The following OSBPL7 variants were observed in gnomAD, a reference collection of about 807,000 sequenced individuals.
OSBPL7 encodes oxysterol-binding protein-related protein 7.
A neutral mutation model predicts 115.8 loss-of-function variants in OSBPL7; 66 were observed. The ratio of observed to expected loss-of-function variants is 0.57; its 90% CI spans 0.47 to 0.70. OSBPL7 has a LOEUF of 0.70. OSBPL7 is among the 30% of genes least tolerant of loss of function. The probability of loss-of-function intolerance (pLI) is 0.00; values close to 1 mark genes in which losing one functional copy is unlikely to be tolerated. For synonymous variants in OSBPL7, 441 were observed against 439.2 expected (o/e 1.00, Z -0.05); for missense variants, 902 against 1,125.5 (o/e 0.80, Z 2.84).
At position 47,819,723 on chromosome 17, in the gene OSBPL7, G is replaced by T. The variant is rs773987715; in HGVS notation, c.255+6C>A. ...CCCACAACCCCAAGCCACTGCCCGG[G>T]CTCACGTCTTGCCGGGTTGTTGCAT... On this transcript the variant is annotated splice_donor_region_variant and intron_variant, in intron 4 of 22. Transcript: ENST00000007414. 9.3e-6 allele frequency: 15 copies of T among 1,613,944 alleles called. No individual in the cohort carries two copies. Among genetic ancestry groups the T allele is most frequent in the East Asian group, 2.2e-5 (1 of 44,878 alleles).
Position 47,813,665 on chromosome 17 carries a change from CAG to C in OSBPL7, c.1519_1520del (p.Leu507AlafsTer60), listed in dbSNP as rs2033117546. 2.5e-6 allele frequency: 4 copies of C among 1,613,248 alleles called. No homozygotes were observed. The highest frequency in any genetic ancestry group is 1.7e-5 in the Admixed American group (1 of 60,010). The stretch of plus-strand genomic sequence containing the variant: ...ACTCCAGCTCCTCGCAGAGCCGCTG[CAG>C]AGTGTTGAGCGGCTCGTTGAGCTGC... Reference protein sequence around the residue: ...PVQLNEPLNTLQRLCEELEYS... With the variant: ...PVQLNEPLNTXQRLCEELEYS... On this transcript the variant is annotated frameshift_variant, in exon 15 of 23. Coordinates refer to ENST00000007414, the MANE Select transcript of OSBPL7 (RefSeq NM_145798.3). LOFTEE classifies it high-confidence loss of function.
chr17:47,819,515 T>C (rs186606485), intron 4 of OSBPL7: 1 of 627,226 alleles, frequency 1.6e-6, no homozygotes, highest in Non-Finnish European at 2.8e-6. Context: ...TGACCTCCCT[T>C]ACCATGACAG....
intron 3 of OSBPL7, 27 bp downstream of exon 3, chr17:47,819,944 G>A (rs1193784820): frequency 6.3e-7 from 1 of 1,579,834 alleles, no homozygotes; most frequent in Non-Finnish European, 8.6e-7. Context: ...CCCATGTCTG[G>A]ACCCTCCCTT....
chr17:47,816,007 G>T lies in OSBPL7; in HGVS notation c.1119+100C>A. The T allele has an allele frequency of 9.9e-7, 1 of 1,012,088 alleles. No homozygotes were observed. The highest frequency in any genetic ancestry group is 2.9e-5 in the Admixed American group (1 of 35,058). 62.7% of individuals were successfully genotyped at this position (1,012,088 alleles called of 1,614,324 possible). ...GAGCCAGGATTTTTGGGCTGTCTTT[G>T]GGACTAAAAACCAACTTTGCCCACT... On this transcript the variant is annotated intron_variant, in intron 12 of 22. Coordinates refer to ENST00000007414, the MANE Select transcript of OSBPL7 (RefSeq NM_145798.3). The surrounding 1 kb of genome is among the most constrained non-coding windows in gnomAD (Gnocchi z 5.8).
At position 47,808,318 on chromosome 17, in the gene OSBPL7, C is replaced by G. The variant is rs781750332; in HGVS notation, c.2502G>C (p.Gly834=). 1.2e-6 allele frequency: 2 copies of G among 1,613,820 alleles called. No individual in the cohort carries two copies. The highest frequency in any genetic ancestry group is 2.2e-5 in the South Asian group (2 of 91,072). The change falls in exon 23 of 23, where the codon GGG becomes GGC. Residue 834 remains glycine, a synonymous_variant. Transcript: ENST00000007414. The surrounding 1 kb of genome is among the most constrained non-coding windows in gnomAD (Gnocchi z 6.1). ...ACCAGAGCACGGCCCCATCCATGTT[C>G]CCATAGCCTGGCTCGGCCCGCAGCC... is the stretch of plus-strand genomic sequence containing the variant. ...YWRLRAEPGY[G]NMDGAVLW
intron 3 of OSBPL7, 84 bp from the exon 4 acceptor site, chr17:47,819,866 T>C: frequency 6.2e-7 from 1 of 1,609,926 alleles, no homozygotes. Context: ...AATTAGCTTT[T>C]CTTTTCCTTC....
At chr17:47,817,805 G>A (rs2033271633) in intron 7 of OSBPL7, among the ~76,000 whole-genome samples, 1 of 152,160 alleles carries the variant, frequency 6.6e-6, no homozygotes, top group South Asian at 2.1e-4. Flanking sequence ...CTGGTTTCCT[G>A]GGAGGGTCTG....
intron 16 of OSBPL7, among the ~76,000 whole-genome samples, chr17:47,812,197 C>G (rs183866371): frequency 6.6e-6 from 1 of 152,308 alleles, no homozygotes; most frequent in African/African-American, 2.4e-5. Context: ...GTAATCCAGT[C>G]TCTGTCCCCA....
In OSBPL7 at chr17:47,820,185, C is replaced by T. The variant is rs773534508; in HGVS notation, c.75+19G>A. The T allele has an allele frequency of 1.5e-5, 25 of 1,613,916 alleles. No individual in the cohort carries two copies. Among genetic ancestry groups the T allele is most frequent in the African/African-American group, 2.7e-5 (2 of 75,012 alleles). On this transcript the variant is annotated intron_variant, in intron 2 of 22. Coordinates refer to ENST00000007414, the MANE Select transcript of OSBPL7 (RefSeq NM_145798.3). ...GGTTCCAGCTTGGCCCACCCACCAC[C>T]GCTTTCCCACTCTCTGACCTGCTGA...
Position 47,815,202 on chromosome 17 carries a change from T to C in OSBPL7, c.1257+13A>G, listed in dbSNP as rs1398436359. ...CCTACCCCGCCTCACTGCCAGCTTC[T>C]CTCCTCCCTCACCTCATTCTCAGAA... On this transcript the variant is annotated intron_variant, in intron 13 of 22. Coordinates refer to ENST00000007414, the MANE Select transcript of OSBPL7 (RefSeq NM_145798.3). 1.9e-6 allele frequency: 3 copies of C among 1,605,250 alleles called. No homozygotes were observed. Among genetic ancestry groups the C allele is most frequent in the Non-Finnish European group, 2.6e-6 (3 of 1,173,528 alleles).
rs1459899182 is a variant in OSBPL7 at position 47,809,323 on chromosome 17, GGCA to G, written c.2025+8_2025+10del. ...GGGGATGGATGGGCAGGGTCAGGGT[GGCA>G]CACACACCTTGCAGAAGGTGATCTT... On this transcript the variant is annotated splice_region_variant and intron_variant, in intron 19 of 22. Transcript: ENST00000007414. 1 of 1,613,708 alleles carries G rather than the reference GGCA, an allele frequency of 6.2e-7. No homozygotes were observed. The highest frequency in any genetic ancestry group is 2.2e-5 in the East Asian group (1 of 44,864).
At chr17:47,810,933 A>G in intron 16 of OSBPL7, 98 bp from the exon 17 acceptor site, 2 of 1,217,914 alleles carry the variant, frequency 1.6e-6, no homozygotes, top group Middle Eastern at 1.9e-4. Context: ...AAGTACCACA[A>G]GACCAGTTGG....
rs747068469 is a variant in OSBPL7, at chr17:47,808,429, G to A, written c.2421-30C>T. ...TGGGAGAAGGCGGTGGCAGTGAGGG[G>A]TGAACATCTAGAAGGCAGGCTAGGG... is the stretch of plus-strand genomic sequence containing the variant. On this transcript the variant is annotated intron_variant, in intron 22 of 22. Coordinates refer to ENST00000007414, the MANE Select transcript of OSBPL7 (RefSeq NM_145798.3). The surrounding 1 kb of genome is among the most constrained non-coding windows in gnomAD (Gnocchi z 6.1). The A allele has an allele frequency of 6.2e-6, 10 of 1,613,708 alleles. No individual in the cohort carries two copies. In the East Asian group the frequency reaches 1.8e-4, roughly 29 times the overall value.
In OSBPL7 at chr17:47,813,340, G is replaced by C. The variant is rs1306468568; in HGVS notation, c.1663C>G (p.Pro555Ala). ...GTCTCCCCCAGGACAGGGTTGAAGG[G>C]CTTGCAGCCGGCTCGGTGGTATGTG... The part of the protein sequence containing the change: ...SSTYHRAGCK[P>A]FNPVLGETYE... Residue 555 changes from proline (P) to alanine (A), a missense_variant, in exon 16 of 23, where the codon CCC becomes GCC. Around this residue, in one of 3 missense-constraint regions of OSBPL7, gnomAD observed 667 missense variants for 788.7 expected, o/e 0.85. Transcript: ENST00000007414. 24 of 1,614,004 alleles carry C rather than the reference G, an allele frequency of 1.5e-5. No homozygotes were observed. The highest frequency in any genetic ancestry group is 3.3e-5 in the Admixed American group (2 of 60,006).
At position 47,808,044 on chromosome 17, in the gene OSBPL7, C is replaced by A; in HGVS notation, c.*247G>T. On this transcript the variant is annotated 3_prime_UTR_variant, in exon 23 of 23. Transcript: ENST00000007414. This position sits in a 1 kb window ranked among gnomAD's most constrained non-coding sequence, Gnocchi z 6.1. ...ATCGGAATGGTGAAGCGGGAAGGGT[C>A]TTACATGCTGGTTGTCTGGGGCAAG... 1.8e-6 allele frequency: 1 copy of A among 558,504 alleles called. No homozygotes were observed. The allele number at this position is 558,504 out of a possible 1,614,324, so 34.6% of individuals were successfully genotyped here.
intron 6 of OSBPL7, 46 bp downstream of exon 6, chr17:47,818,460 C>T (rs781606972): frequency 1.3e-6 from 2 of 1,587,118 alleles, no homozygotes; most frequent in East Asian, 4.5e-5. Flanking sequence ...TAGCCCTTGC[C>T]CCTGAATTGC....
intron 12 of OSBPL7, 102 bp from the exon 13 acceptor site, chr17:47,815,454 C>G: frequency 6.6e-7 from 1 of 1,508,528 alleles, no homozygotes; most frequent in Non-Finnish European, 8.9e-7. Flanking sequence ...GAGGCATAAC[C>G]GGGCACTTTT....
In OSBPL7 at chr17:47,810,619, CCACAGG is replaced by C. The variant is rs765385799; in HGVS notation, c.1849_1854del (p.Pro617_Val618del). 6.2e-7 allele frequency: 1 copy of C among 1,614,178 alleles called. No individual in the cohort carries two copies. The highest frequency in any genetic ancestry group is 8.5e-7 in the Non-Finnish European group (1 of 1,180,020). The stretch of plus-strand genomic sequence containing the variant: ...CTGGGCAGGCTGACGTTGACTGTTC[CCACAGG>C]CACAATCTCCAGGGATTTGCCCCAG... On this transcript the variant is annotated inframe_deletion, in exon 18 of 23. Coordinates refer to ENST00000007414, the MANE Select transcript of OSBPL7 (RefSeq NM_145798.3).
chr17:47,808,617 T>C lies in OSBPL7; in HGVS notation c.2341A>G (p.Arg781Gly). 6.2e-7 allele frequency: 1 copy of C among 1,614,194 alleles called. No homozygotes were observed. Among genetic ancestry groups the C allele is most frequent in the Non-Finnish European group, 8.5e-7 (1 of 1,180,024 alleles). ...TCTCGCTGCAGCTGCTCGATCCTTCTCTTCTGGGCCTCAGCGGCCTGTATG... is the reference window on the plus strand; with the variant it reads ...TCTCGCTGCAGCTGCTCGATCCTTCCCTTCTGGGCCTCAGCGGCCTGTATG... ...GNIQAAEAQK[R>G]RIEQLQRDRR... The change falls in exon 22 of 23, where the codon AGA becomes GGA. Residue 781 changes from arginine (R) to glycine (G), a missense_variant. Arg to Gly is a moderately radical substitution (Grantham distance 125, BLOSUM62 -2). This residue lies in a region of OSBPL7 where 230 missense variants were observed against 312.7 expected (regional missense o/e 0.74). Coordinates refer to ENST00000007414, the MANE Select transcript of OSBPL7 (RefSeq NM_145798.3). The surrounding 1 kb of genome is among the most constrained non-coding windows in gnomAD (Gnocchi z 6.1).
Sources: allele counts gnomAD v4.1 joint callset (sites outside exome capture counted in the v4.1 genomes callset), GRCh38; gene constraint gnomAD v4.1.1; regional missense constraint gnomAD v4.1.1; non-coding constraint Gnocchi (gnomAD v3.1); transcripts MANE v1.5; gene names NCBI Gene and HGNC (gene_info 2026-07-23, HGNC 2026-07-21).